Variants in COG6 observed in about 807,000 individuals in gnomAD.
The protein encoded by COG6 is component of oligomeric golgi complex 6, also known as conserved oligomeric Golgi complex subunit 6.
Under a neutral mutation model 88.8 loss-of-function variants are expected in COG6, and 74 were observed. The ratio of observed to expected loss-of-function variants is 0.83; its 90% CI spans 0.69 to 1.01. The LOEUF (loss-of-function observed/expected upper bound fraction) is 1.01. Ranked by LOEUF, COG6 falls within the 50% of genes least tolerant of loss-of-function variation. COG6 has a pLI of 0.00. For synonymous variants in COG6, 286 were observed against 278.7 expected (o/e 1.03, Z -0.26); for missense variants, 800 against 797.9 (o/e 1.00, Z -0.03).
intron 18 of COG6, among the ~76,000 whole-genome samples, chr13:39,771,677 C>T (rs1004492284): frequency 6.6e-6 from 1 of 152,254 alleles, no homozygotes; most frequent in Admixed American, 6.5e-5. Flanking sequence ...CTACCCACCT[C>T]ACCAAATTGT....
At chr13:39,686,887 G>A (rs1374479836) in intron 8 of COG6, among the ~76,000 whole-genome samples, 1 of 151,730 alleles carries the variant, frequency 6.6e-6, no homozygotes, top group Non-Finnish European at 1.5e-5. Context: ...GCACCACCAT[G>A]CCTGGCTATT....
intron 13 of COG6, among the ~76,000 whole-genome samples, chr13:39,712,912 TGA>T (rs1258949687): frequency 1.3e-5 from 2 of 152,176 alleles, no homozygotes; most frequent in Non-Finnish European, 2.9e-5. Context: ...TTAAGATTTT[TGA>T]GAGTTTAAGA....
At chr13:39,656,769 T>A (rs1015886686) in intron 1 of COG6, 3 of 454,464 alleles carry the variant, frequency 6.6e-6, no homozygotes, top group African/African-American at 4.0e-5. Context: ...ATAGAACCAC[T>A]AAATGTGTGC....
At chr13:39,660,502 T>G (rs1346740251) in intron 2 of COG6, among the ~76,000 whole-genome samples, 1 of 152,220 alleles carries the variant, frequency 6.6e-6, no homozygotes, top group Non-Finnish European at 1.5e-5. Flanking sequence ...AACATAAGAC[T>G]ATTTGAACAT....
At chr13:39,728,003 A>G (rs955605237) in intron 18 of COG6, among the ~76,000 whole-genome samples, 1 of 152,192 alleles carries the variant, frequency 6.6e-6, no homozygotes, top group Non-Finnish European at 1.5e-5. Flanking sequence ...ACACCAAATC[A>G]TACATTAAAA....
exon 19 of COG6, chr13:39,789,971 TA>T (rs1385611410): frequency 1.3e-5 from 2 of 152,222 alleles, no homozygotes; most frequent in African/African-American, 4.8e-5. Flanking sequence ...AAATATTAAA[TA>T]TATTATCCAC....
chr13:39,702,522 G>A (rs1396668625), intron 13 of COG6, among the ~76,000 whole-genome samples: 1 of 151,822 alleles, frequency 6.6e-6, no homozygotes, highest in Non-Finnish European at 1.5e-5. Context: ...TGATCACATT[G>A]GGGAAAATCT....
At chr13:39,684,857 A>G (rs1012324924) in intron 8 of COG6, among the ~76,000 whole-genome samples, 2 of 152,258 alleles carry the variant, frequency 1.3e-5, no homozygotes, top group African/African-American at 4.8e-5. Context: ...GAAAGTTGCC[A>G]TACTCAGTGT....
intron 8 of COG6, among the ~76,000 whole-genome samples, chr13:39,685,575 GTTTATT>G (rs1265982699): frequency 6.6e-6 from 1 of 152,066 alleles, no homozygotes; most frequent in Non-Finnish European, 1.5e-5. Context: ...AAATTATGCT[GTTTATT>G]TTTAATATAG....
rs982531325 is a variant in COG6, at chr13:39,729,914, A to G, written c.1826+2366A>G. Among the ~76,000 whole-genome samples the G allele has an allele frequency of 6.6e-5, 10 of 152,254 alleles. 1 individual carries two copies. The East Asian group carries it at 1.7e-3, about 26-fold the overall frequency. On this transcript the variant is annotated intron_variant, in intron 18 of 18. Transcript: ENST00000455146. The stretch of plus-strand genomic sequence containing the variant: ...AAAAAACTGTTGAACCAGCAGTGGG[A>G]TTGAGTATTGTGTATGGATCTATTC...
At chr13:39,762,972 C>G (rs566325968) in intron 18 of COG6, among the ~76,000 whole-genome samples, 1 of 151,530 alleles carries the variant, frequency 6.6e-6, no homozygotes, top group Non-Finnish European at 1.5e-5. Flanking sequence ...ATTTTGTATT[C>G]TCACATGCTG....
chr13:39,661,527 T>G (rs1180096578), intron 3 of COG6, among the ~76,000 whole-genome samples: 1 of 152,166 alleles, frequency 6.6e-6, no homozygotes, highest in African/African-American at 2.4e-5. Flanking sequence ...TTAATGCATA[T>G]TCTACAGATT....
chr13:39,668,958 G>A (rs74983806), intron 4 of COG6, among the ~76,000 whole-genome samples: 3,674 of 152,156 alleles, frequency 0.024, 146 homozygotes, highest in African/African-American at 0.084. Context: ...TTACTCGTTG[G>A]TGTATTTATT....
At chr13:39,658,404 A>G (rs150920629) in intron 1 of COG6, among the ~76,000 whole-genome samples, 6 of 152,156 alleles carry the variant, frequency 3.9e-5, no homozygotes, top group African/African-American at 1.4e-4. Context: ...TGACCTCCCA[A>G]ACTGCTGGGA....
chr13:39,682,407 A>C (rs534527050), intron 8 of COG6, 143 bp downstream of exon 8: 1 of 624,270 alleles, frequency 1.6e-6, no homozygotes, highest in South Asian at 2.0e-5. Context: ...CCTTAACTTG[A>C]ATTTGTTTCA....
chr13:39,748,424 T>G (rs9576895), intron 18 of COG6, among the ~76,000 whole-genome samples: 76,062 of 151,554 alleles, frequency 0.5, 19,576 homozygotes, highest in South Asian at 0.69. Flanking sequence ...AGACCAGCCT[T>G]GCCAACATGA....
downstream of COG6, among the ~76,000 whole-genome samples, chr13:39,754,866 TGAA>T (rs1326197661): frequency 1.4e-3 from 215 of 152,252 alleles, no homozygotes; most frequent in African/African-American, 4.7e-3. Context: ...GAAGAAAAAA[TGAA>T]CTAATATCAT....
chr13:39,744,671 C>G lies in COG6; in HGVS notation c.1827-6275C>G, dbSNP rs533966366. On this transcript the variant is annotated intron_variant, in intron 18 of 18. Coordinates refer to ENST00000455146, the MANE Select transcript of COG6 (RefSeq NM_020751.3). ...GGAAGAATCAGTATTGTGAAAATGGCCATACTACCCAAGATAATTTGGAGA... is the reference window on the plus strand; with the variant it reads ...GGAAGAATCAGTATTGTGAAAATGGGCATACTACCCAAGATAATTTGGAGA... Among the ~76,000 whole-genome samples, 292 of 152,228 alleles carry G rather than the reference C, an allele frequency of 1.9e-3. 2 individuals carry two copies. Among genetic ancestry groups the G allele is most frequent in the African/African-American group, 6.8e-3 (282 of 41,548 alleles).
chr13:39,753,524 A>T (rs1221721589), downstream of COG6, among the ~76,000 whole-genome samples: 2 of 152,154 alleles, frequency 1.3e-5, no homozygotes, highest in Non-Finnish European at 2.9e-5. Context: ...ATTCTCAGTT[A>T]ATATCCTTCA....
Sources: gnomAD v4.1 joint callset for allele counts (sites outside exome capture counted in the v4.1 genomes callset) on GRCh38, gnomAD v4.1.1 for gene constraint, MANE v1.5 for transcripts, NCBI Gene and HGNC (gene_info 2026-07-23, HGNC 2026-07-21) for gene names.